The following CREB1 variants were observed in gnomAD, a reference collection of about 807,000 sequenced individuals.
CREB1 encodes cAMP responsive element binding protein 1.
CREB1 carries 2 observed loss-of-function variants against 42.0 expected under a neutral mutation model. The observed-to-expected ratio is 0.05, with a 90% confidence interval of 0.02 to 0.15. The LOEUF (loss-of-function observed/expected upper bound fraction) is 0.15, where lower values mean the gene tolerates loss of function less well. CREB1 is among the 10% of genes least tolerant of loss of function. The pLI, the probability that CREB1 is intolerant of heterozygous loss-of-function variation, is 1.00. For missense variants in CREB1, 199 were observed against 388.9 expected (o/e 0.51, Z 4.11); for synonymous variants, 123 against 139.9 (o/e 0.88, Z 0.85).
At chr2:207,567,772 T>G (rs2082196164) in intron 4 of CREB1, 1 of 348,456 alleles carries the variant, frequency 2.9e-6, no homozygotes, top group South Asian at 6.3e-5. Flanking sequence ...AATTTTTTTT[T>G]TTTCTGTTTC....
intron 4 of CREB1, 91 bp downstream of exon 4, chr2:207,567,654 C>T (rs558336000): frequency 2.8e-5 from 22 of 778,886 alleles, no homozygotes; most frequent in South Asian, 2.1e-4. Flanking sequence ...TAGTTGTTCA[C>T]GTCAGTTCCT....
intron 7 of CREB1, among the ~76,000 whole-genome samples, chr2:207,592,618 C>G (rs1020230731): frequency 1.3e-5 from 2 of 152,066 alleles, no homozygotes; most frequent in South Asian, 2.1e-4. Context: ...TGGTGTCTGT[C>G]ATTAATTTTA....
chr2:207,577,438 A>G, intron 6 of CREB1, 67 bp from the exon 7 acceptor site: 1 of 1,558,462 alleles, frequency 6.4e-7, no homozygotes, highest in Non-Finnish European at 8.8e-7. Context: ...TAGATTGATG[A>G]TTGATACACA....
chr2:207,530,666 G>C (rs1204134392), intron 1 of CREB1, among the ~76,000 whole-genome samples: 1 of 151,214 alleles, frequency 6.6e-6, no homozygotes, highest in African/African-American at 2.4e-5. Flanking sequence ...GGGGGATGGA[G>C]GAGGAAGAAG....
intron 7 of CREB1, among the ~76,000 whole-genome samples, chr2:207,588,916 C>T (rs1412131350): frequency 6.6e-6 from 1 of 151,632 alleles, no homozygotes; most frequent in African/African-American, 2.4e-5. Flanking sequence ...CTTTGGGATT[C>T]TCTACACAAA....
At chr2:207,565,700 G>A (rs1490574573) in intron 3 of CREB1, among the ~76,000 whole-genome samples, 2 of 152,106 alleles carry the variant, frequency 1.3e-5, no homozygotes, top group Non-Finnish European at 2.9e-5. Flanking sequence ...TAAGGATGGG[G>A]CATATGAGAG....
At position 207,603,637 on chromosome 2, in the gene CREB1, A is replaced by G. The variant is rs1302662461; in HGVS notation, c.*6579A>G. ...AAAACCTGTTTTTCAATAAGATTGA[A>G]CAGTGCCTATTTGTGGATTTGGAGA... is the stretch of plus-strand genomic sequence containing the variant. On this transcript the variant is annotated 3_prime_UTR_variant, in exon 8 of 8. Transcript: ENST00000353267. 6.6e-6 allele frequency among the ~76,000 whole-genome samples: 1 copy of G among 152,216 alleles called. No individual in the cohort carries two copies. Among genetic ancestry groups the G allele is most frequent in the Non-Finnish European group, 1.5e-5 (1 of 68,034 alleles).
chr2:207,573,580 T>C (rs1252599121), intron 5 of CREB1, among the ~76,000 whole-genome samples: 1 of 151,988 alleles, frequency 6.6e-6, no homozygotes, highest in Non-Finnish European at 1.5e-5. Flanking sequence ...TACAAAAAAA[T>C]GTCTTTAGAA....
chr2:207,532,913 G>T (rs1251446495), intron 1 of CREB1, among the ~76,000 whole-genome samples: 1 of 151,594 alleles, frequency 6.6e-6, no homozygotes, highest in African/African-American at 2.4e-5. Context: ...GAGCCACCGC[G>T]CCCGGCCTGT....
At chr2:207,545,615 G>A (rs927408947) in intron 1 of CREB1, among the ~76,000 whole-genome samples, 7 of 152,126 alleles carry the variant, frequency 4.6e-5, no homozygotes, top group South Asian at 2.1e-4. Flanking sequence ...TCGTTACTAC[G>A]TAGTAGGCGC....
intron 1 of CREB1, among the ~76,000 whole-genome samples, chr2:207,554,855 A>T (rs989241391): frequency 6.6e-6 from 1 of 152,170 alleles, no homozygotes; most frequent in Admixed American, 6.5e-5. Context: ...TGGCACCTCT[A>T]ATTTGGCTCT....
intron 7 of CREB1, among the ~76,000 whole-genome samples, chr2:207,588,738 T>TG (rs1466475292): frequency 4.6e-5 from 6 of 130,740 alleles, no homozygotes; most frequent in Admixed American, 7.4e-5. Context: ...GTTTTTTTTT[T>TG]TTTTGTGTGT....
chr2:207,552,863 G>T (rs181859177), intron 1 of CREB1, among the ~76,000 whole-genome samples: 238 of 152,014 alleles, frequency 1.6e-3, no homozygotes, highest in Middle Eastern at 6.8e-3. Flanking sequence ...TGATCCACCC[G>T]CCTCGGCCTC....
At chr2:207,563,131 A>G (rs910864858) in intron 3 of CREB1, among the ~76,000 whole-genome samples, 1 of 152,224 alleles carries the variant, frequency 6.6e-6, no homozygotes, top group Admixed American at 6.5e-5. Flanking sequence ...AGCACAGACC[A>G]GAAGGCAATG....
At chr2:207,580,552 C>T (rs2082841487) in intron 7 of CREB1, 1 of 218,346 alleles carries the variant, frequency 4.6e-6, no homozygotes, top group Non-Finnish European at 9.2e-6. Context: ...TAAGCATGCT[C>T]ACTAGGATGA....
intron 1 of CREB1, among the ~76,000 whole-genome samples, chr2:207,537,678 TTAAA>T (rs889402562): frequency 1.3e-5 from 2 of 152,234 alleles, no homozygotes; most frequent in African/African-American, 2.4e-5. Context: ...GAGACAAAAC[TTAAA>T]TAAGAATAGA....
intron 1 of CREB1, among the ~76,000 whole-genome samples, chr2:207,537,784 T>C (rs2080934663): frequency 6.6e-6 from 1 of 152,228 alleles, no homozygotes; most frequent in South Asian, 2.1e-4. Flanking sequence ...TGTTGTTTTT[T>C]GTTTTGCCTT....
chr2:207,570,379 CTAAT>C (rs1411406787), intron 5 of CREB1, 58 bp downstream of exon 5: 2 of 1,476,072 alleles, frequency 1.4e-6, no homozygotes, highest in African/African-American at 2.9e-5. Flanking sequence ...GGAGAAAAAG[CTAAT>C]AGTTGCATTC....
chr2:207,538,687 A>G (rs895563101), intron 1 of CREB1, among the ~76,000 whole-genome samples: 24 of 152,244 alleles, frequency 1.6e-4, no homozygotes, highest in African/African-American at 5.3e-4. Flanking sequence ...AAGGGAAGTT[A>G]TTAATAAAAT....
Sources: gnomAD v4.1 joint callset for allele counts (sites outside exome capture counted in the v4.1 genomes callset) on GRCh38, gnomAD v4.1.1 for gene constraint, MANE v1.5 for transcripts, NCBI Gene and HGNC (gene_info 2026-07-23, HGNC 2026-07-21) for gene names.